SBF2: variants seen among roughly 807,000 people sequenced by gnomAD.
The protein encoded by SBF2 is myotubularin-related protein 13.
Under a neutral mutation model 225.2 loss-of-function variants are expected in SBF2, and 112 were observed. That is an observed-to-expected ratio of 0.50 (90% CI 0.43 to 0.58). SBF2 has a LOEUF of 0.58. Ranked by LOEUF, SBF2 falls within the 20% of genes least tolerant of loss-of-function variation. The pLI, the probability that SBF2 is intolerant of heterozygous loss-of-function variation, is 0.00. For missense variants in SBF2, 1,996 were observed against 2,206.2 expected (o/e 0.90, Z 1.91); for synonymous variants, 763 against 773.3 (o/e 0.99, Z 0.22).
At chr11:10,230,849 G>A (rs958159616) in intron 1 of SBF2, among the ~76,000 whole-genome samples, 2 of 152,110 alleles carry the variant, frequency 1.3e-5, no homozygotes, top group Non-Finnish European at 2.9e-5. Flanking sequence ...GAATTTGAAT[G>A]TTGGCCTGCC....
At chr11:10,055,203 G>A (rs1346378656) in intron 2 of SBF2, among the ~76,000 whole-genome samples, 3 of 152,206 alleles carry the variant, frequency 2.0e-5, no homozygotes, top group African/African-American at 7.2e-5. Flanking sequence ...AGCCCGGTCA[G>A]AATGGCTATT....
At chr11:9,804,384 C>T (rs761669093) in intron 32 of SBF2, among the ~76,000 whole-genome samples, 11 of 152,156 alleles carry the variant, frequency 7.2e-5, no homozygotes, top group Non-Finnish European at 1.6e-4. Context: ...TTCTCTGGAA[C>T]TCTAGTTTAC....
chr11:9,950,136 G>A (rs753182724), intron 16 of SBF2, among the ~76,000 whole-genome samples: 1 of 150,198 alleles, frequency 6.7e-6, no homozygotes, highest in South Asian at 2.1e-4. Context: ...AATGCTTCTC[G>A]TAAGCAGGGA....
At chr11:9,941,476 A>T (rs2134294328) in intron 16 of SBF2, among the ~76,000 whole-genome samples, 1 of 152,348 alleles carries the variant, frequency 6.6e-6, no homozygotes, top group East Asian at 1.9e-4. Context: ...TCCCTATTTC[A>T]TTTTTTGACG....
At chr11:10,162,916 C>A (rs2278634) in intron 2 of SBF2, among the ~76,000 whole-genome samples, 41,280 of 151,868 alleles carry the variant, frequency 0.27, 5,754 homozygotes, top group Middle Eastern at 0.34. Context: ...GGAAATTTCC[C>A]AAAAAACCCA....
chr11:10,028,669 T>C, intron 5 of SBF2, 112 bp from the exon 6 acceptor site: 1 of 764,314 alleles, frequency 1.3e-6, no homozygotes, highest in Non-Finnish European at 2.3e-6. Flanking sequence ...TAAGATCCAA[T>C]TAACAGATAC....
intron 26 of SBF2, among the ~76,000 whole-genome samples, chr11:9,833,357 T>G (rs189562147): frequency 6.6e-6 from 1 of 152,080 alleles, no homozygotes; most frequent in Admixed American, 6.6e-5. Context: ...ATTAGAAATA[T>G]TACACAAAAC....
chr11:10,108,165 C>T (rs932802974), intron 2 of SBF2, among the ~76,000 whole-genome samples: 11 of 152,128 alleles, frequency 7.2e-5, no homozygotes, highest in Middle Eastern at 3.4e-3. Context: ...AATTCAAACA[C>T]GATAGAACAA....
intron 2 of SBF2, among the ~76,000 whole-genome samples, chr11:10,130,074 T>C (rs1591024290): frequency 1.3e-5 from 2 of 151,896 alleles, no homozygotes; most frequent in South Asian, 4.2e-4. Context: ...TAAATTTCAA[T>C]ACACCTCGCC....
rs182193040 is a variant in SBF2, at chr11:10,099,889, T to C, written c.142-56908A>G. ...AGAAAGAAATCAAAGTATGCCACTA[T>C]AAAAAAATAAAGTTACAATGAAAAA... On this transcript the variant is annotated intron_variant, in intron 2 of 39. Transcript: ENST00000256190. 1.9e-4 allele frequency among the ~76,000 whole-genome samples: 29 copies of C among 151,382 alleles called. No individual in the cohort carries two copies. The East Asian group carries it at 5.6e-3, about 29-fold the overall frequency.
intron 1 of SBF2, among the ~76,000 whole-genome samples, chr11:10,233,476 T>C (rs1334497973): frequency 6.6e-6 from 1 of 152,024 alleles, no homozygotes; most frequent in Non-Finnish European, 1.5e-5. Context: ...CTTATACCAC[T>C]GATTTTTAAG....
chr11:9,938,371 C>G (rs1865035393), intron 16 of SBF2, among the ~76,000 whole-genome samples: 1 of 150,994 alleles, frequency 6.6e-6, no homozygotes, highest in South Asian at 2.1e-4. Flanking sequence ...AAATGGTTTG[C>G]ACTCTCAATT....
At chr11:10,035,345 TAA>T (rs1264075108) in intron 3 of SBF2, among the ~76,000 whole-genome samples, 1 of 152,062 alleles carries the variant, frequency 6.6e-6, no homozygotes, top group Non-Finnish European at 1.5e-5. Flanking sequence ...ATTCAAGACA[TAA>T]GCATGGGCAA....
intron 1 of SBF2, among the ~76,000 whole-genome samples, chr11:10,268,851 T>C (rs1189765886): frequency 6.6e-6 from 1 of 152,218 alleles, no homozygotes; most frequent in Non-Finnish European, 1.5e-5. Context: ...TTCAAACATT[T>C]CTAGGACACA....
chr11:9,891,003 G>A (rs1860760929), intron 17 of SBF2, among the ~76,000 whole-genome samples: 3 of 152,156 alleles, frequency 2.0e-5, no homozygotes. Context: ...GGGCGTGGTG[G>A]TGGGCACCTG....
intron 2 of SBF2, among the ~76,000 whole-genome samples, chr11:10,048,771 A>G (rs1190864797): frequency 6.6e-6 from 1 of 152,200 alleles, no homozygotes; most frequent in East Asian, 1.9e-4. Flanking sequence ...ACATGTGTCA[A>G]TATTTGGAAG....
chr11:9,784,925 T>G lies in SBF2; in HGVS notation c.5231+200A>C, dbSNP rs576376655. The G allele has an allele frequency of 2.9e-5, 18 of 622,876 alleles. 1 individual carries two copies. The highest frequency in any genetic ancestry group is 2.0e-4 in the Admixed American group (8 of 39,056). The allele number at this position is 622,876 out of a possible 1,614,324, so 38.6% of individuals were successfully genotyped here. On this transcript the variant is annotated intron_variant, in intron 37 of 39. Coordinates refer to ENST00000256190, the MANE Select transcript of SBF2 (RefSeq NM_030962.4). ...GACTCAACTACAAATAACTACAACCTCTTCGAATTATTTTTAGTTGTAATT... is the reference window on the plus strand; with the variant it reads ...GACTCAACTACAAATAACTACAACCGCTTCGAATTATTTTTAGTTGTAATT...
intron 17 of SBF2, among the ~76,000 whole-genome samples, chr11:9,871,475 T>C (rs1335370476): frequency 7.4e-6 from 1 of 135,958 alleles, no homozygotes; most frequent in Non-Finnish European, 1.5e-5. Flanking sequence ...TGACGCTTAT[T>C]ATTATTATTA....
At chr11:9,957,303 C>T (rs991073157) in intron 16 of SBF2, 2 of 144,168 alleles carry the variant, frequency 1.4e-5, no homozygotes, top group African/African-American at 5.9e-5. Flanking sequence ...CGCAAATCAA[C>T]AACTTTCAAG....
Sources: allele counts gnomAD v4.1 joint callset (sites outside exome capture counted in the v4.1 genomes callset), GRCh38; gene constraint gnomAD v4.1.1; transcripts MANE v1.5; gene names NCBI Gene and HGNC (gene_info 2026-07-23, HGNC 2026-07-21).